RAB11FIP5: variants seen among roughly 807,000 people sequenced by gnomAD.
RAB11FIP5 encodes rab11 family-interacting protein 5.
A neutral mutation model predicts 85.1 loss-of-function variants in RAB11FIP5; 48 were observed. That is an observed-to-expected ratio of 0.56 (90% CI 0.45 to 0.72). RAB11FIP5 has a LOEUF of 0.72. RAB11FIP5 is among the 30% of genes least tolerant of loss of function. The probability of loss-of-function intolerance (pLI) is 0.00; values close to 1 mark genes in which losing one functional copy is unlikely to be tolerated. For synonymous variants in RAB11FIP5, 729 were observed against 727.3 expected (o/e 1.00, Z -0.04); for missense variants, 1,491 against 1,687.0 (o/e 0.88, Z 2.04).
intron 1 of RAB11FIP5, among the ~76,000 whole-genome samples, chr2:73,105,050 T>C (rs1684496178): frequency 6.6e-6 from 1 of 152,216 alleles, no homozygotes. Flanking sequence ...ACTGTATTGC[T>C]GCAGGAGGAA....
Position 73,080,921 on chromosome 2 carries a change from G to GC in RAB11FIP5, c.2310dup (p.Pro771AlafsTer20). The GC allele has an allele frequency of 2.4e-6, 3 of 1,232,672 alleles. No homozygotes were observed. The highest frequency in any genetic ancestry group is 3.0e-6 in the Non-Finnish European group (3 of 988,376). 76.4% of individuals were successfully genotyped at this position (1,232,672 alleles called of 1,614,324 possible). ...TGCCCTGCTTCCACTTCCGGGGCTG[G>GC]CAGTTCCCTGTCTGGTTCTGAGCCT... is the stretch of plus-strand genomic sequence containing the variant. On this transcript the variant is annotated frameshift_variant, in exon 4 of 6. Coordinates refer to ENST00000486777, the MANE Select transcript of RAB11FIP5 (RefSeq NM_001371272.1). LOFTEE classifies it high-confidence loss of function.
chr2:73,080,890 G>A lies in RAB11FIP5; in HGVS notation c.2342C>T (p.Pro781Leu), dbSNP rs879245665. ...AAATAGAGATGTCCCACTGTCTGCC[G>A]GACTCTGCCCTGCTTCCACTTCCGG... ...PAPEVEAGQS[P>L]ADSGTSLFSS... The change falls in exon 4 of 6, where the codon CCG (proline) becomes CTG (leucine). Residue 781 changes from proline (P) to leucine (L), a missense_variant. Pro to Leu is a moderately conservative substitution (Grantham distance 98). This residue lies in a region of RAB11FIP5 where 1,211 missense variants were observed against 1,338.0 expected (regional missense o/e 0.91). Coordinates refer to ENST00000486777, the MANE Select transcript of RAB11FIP5 (RefSeq NM_001371272.1). The A allele has an allele frequency of 3.8e-5, 47 of 1,232,392 alleles. No individual in the cohort carries two copies. Among genetic ancestry groups the A allele is most frequent in the Non-Finnish European group, 4.5e-5 (44 of 988,286 alleles). 76.3% of individuals were successfully genotyped at this position (1,232,392 alleles called of 1,614,324 possible).
intron 3 of RAB11FIP5, among the ~76,000 whole-genome samples, chr2:73,085,974 C>T (rs1216975231): frequency 1.3e-5 from 2 of 152,350 alleles, no homozygotes; most frequent in Non-Finnish European, 2.9e-5. Context: ...TAACCCACAG[C>T]TTCCTGCCAT....
At chr2:73,079,437 T>G (rs1441046348) in intron 4 of RAB11FIP5, among the ~76,000 whole-genome samples, 26 of 152,134 alleles carry the variant, frequency 1.7e-4, no homozygotes, top group Admixed American at 1.6e-3. Flanking sequence ...GGGGCTGCCT[T>G]GATTATCCCA....
rs879477218 is a variant in RAB11FIP5 at position 73,081,748 on chromosome 2, C to T, written c.1569-85G>A. ...GAGTCCCACGCCCCACCCCCTGCTTCGGGACCAGGGGCCATAACACACACA... is the reference window on the plus strand; with the variant it reads ...GAGTCCCACGCCCCACCCCCTGCTTTGGGACCAGGGGCCATAACACACACA... On this transcript the variant is annotated intron_variant, in intron 3 of 5. Transcript: ENST00000486777. This position sits in a 1 kb window ranked among gnomAD's most constrained non-coding sequence, Gnocchi z 4.2. 1.5e-4 allele frequency: 176 copies of T among 1,164,176 alleles called. No individual in the cohort carries two copies. In the East Asian group the frequency reaches 1.6e-3, roughly 11 times the overall value. The allele number at this position is 1,164,176 out of a possible 1,614,324, so 72.1% of individuals were successfully genotyped here.
chr2:73,091,476 C>G (rs1014868310), intron 1 of RAB11FIP5, among the ~76,000 whole-genome samples: 4 of 152,100 alleles, frequency 2.6e-5, no homozygotes, highest in Non-Finnish European at 5.9e-5. Flanking sequence ...CACACACGCA[C>G]ACAGAGCTAC....
Position 73,081,339 on chromosome 2 carries a change from C to G in RAB11FIP5, c.1893G>C (p.Ser631=). ...PSPAPSLPSA[S]RASPTPLASP... Reference sequence around the variant, plus strand: ...AGGCCAGGGGGGTGGGGCTGGCCCTCGAGGCACTGGGGAGAGAGGGAGCAG... The same window carrying G: ...AGGCCAGGGGGGTGGGGCTGGCCCTGGAGGCACTGGGGAGAGAGGGAGCAG... Residue 631 remains serine (S), a synonymous_variant, in exon 4 of 6, where the codon TCG becomes TCC. Coordinates refer to ENST00000486777, the MANE Select transcript of RAB11FIP5 (RefSeq NM_001371272.1). This position sits in a 1 kb window ranked among gnomAD's most constrained non-coding sequence, Gnocchi z 4.2. 2.4e-6 allele frequency: 3 copies of G among 1,232,756 alleles called. No homozygotes were observed. Among genetic ancestry groups the G allele is most frequent in the Non-Finnish European group, 3.0e-6 (3 of 988,492 alleles). The allele number at this position is 1,232,756 out of a possible 1,614,324, so 76.4% of individuals were successfully genotyped here.
chr2:73,106,484 TC>T lies in RAB11FIP5; in HGVS notation c.431+5862del, dbSNP rs368169481. Among the ~76,000 whole-genome samples, 956 of 152,008 alleles carry T rather than the reference TC, an allele frequency of 6.3e-3. 13 individuals carry two copies. The highest frequency in any genetic ancestry group is 0.02 in the African/African-American group (825 of 41,480). On this transcript the variant is annotated intron_variant, in intron 1 of 5. Coordinates refer to ENST00000486777, the MANE Select transcript of RAB11FIP5 (RefSeq NM_001371272.1). ...CCAAATGTAGGGAGATATCCAGGCT[TC>T]CCCCCCTTTGGAATCTCTCCCCCAC...
intron 1 of RAB11FIP5, among the ~76,000 whole-genome samples, chr2:73,106,573 G>C (rs1274206629): frequency 6.6e-6 from 1 of 152,168 alleles, no homozygotes; most frequent in Non-Finnish European, 1.5e-5. Flanking sequence ...TACCCTTCCA[G>C]GTCAGCAGAG....
chr2:73,112,670 C>T lies in RAB11FIP5; in HGVS notation c.108G>A (p.Ser36=). The T allele has an allele frequency of 6.3e-7, 1 of 1,593,266 alleles. No individual in the cohort carries two copies. Among genetic ancestry groups the T allele is most frequent in the Non-Finnish European group, 8.5e-7 (1 of 1,171,884 alleles). The change falls in exon 1 of 6, where the codon TCG becomes TCA. Residue 36 remains serine, a synonymous_variant. Transcript: ENST00000486777. The stretch of plus-strand genomic sequence containing the variant: ...ACGCGTCGCTGGTGCTGCCCGCTCC[C>T]GAGCTCTTGCCCCGCAGCCCGCGGG... The part of the protein sequence containing the change: ...LRARGLRGKS[S]GAGSTSDAYT...
intron 1 of RAB11FIP5, among the ~76,000 whole-genome samples, chr2:73,103,106 G>C (rs531864504): frequency 6.6e-6 from 1 of 152,044 alleles, no homozygotes; most frequent in Non-Finnish European, 1.5e-5. Flanking sequence ...CTGTCTCCCC[G>C]CATCCACCGC....
rs1254326441 is a variant in RAB11FIP5 at position 73,089,104 on chromosome 2, T to C, written c.643A>G (p.Ser215Gly). Residue 215 changes from serine to glycine, a missense_variant, in exon 2 of 6, where the codon AGC becomes GGC. Transcript: ENST00000486777. The surrounding 1 kb of genome is among the most constrained non-coding windows in gnomAD (Gnocchi z 4.6). The stretch of plus-strand genomic sequence containing the variant: ...CCCAGGTCAGGATCCTCTATGGCGC[T>C]GCTTGGGAGGATGGCAGAGGCAGAT... ...LESASAILPS[S>G]AIEDPDLGSL... 1.2e-6 allele frequency: 2 copies of C among 1,614,218 alleles called. No individual in the cohort carries two copies. Among genetic ancestry groups the C allele is most frequent in the East Asian group, 2.2e-5 (1 of 44,880 alleles).
rs1230619447 is a variant in RAB11FIP5, at chr2:73,112,699, G to A, written c.79C>T (p.Arg27Trp). ...CTCTTGCCCCGCAGCCCGCGGGCCCGCAGCACCGTCACCTGGACGTGCGTG... is the reference window on the plus strand; with the variant it reads ...CTCTTGCCCCGCAGCCCGCGGGCCCACAGCACCGTCACCTGGACGTGCGTG... ...LPTHVQVTVL[R>W]ARGLRGKSSG... The change falls in exon 1 of 6, where the codon CGG becomes TGG. Residue 27 changes from arginine (R) to tryptophan (W), a missense_variant. Physicochemically the swap from Arg to Trp is moderately radical, Grantham distance 101 (BLOSUM62 -3). Around this residue, in one of 3 missense-constraint regions of RAB11FIP5, gnomAD observed 1,211 missense variants for 1,338.0 expected, o/e 0.91. Coordinates refer to ENST00000486777, the MANE Select transcript of RAB11FIP5 (RefSeq NM_001371272.1). The A allele has an allele frequency of 1.3e-6, 2 of 1,573,388 alleles. No individual in the cohort carries two copies. The highest frequency in any genetic ancestry group is 1.2e-5 in the South Asian group (1 of 85,936).
intron 4 of RAB11FIP5, among the ~76,000 whole-genome samples, chr2:73,076,437 C>T (rs900905869): frequency 6.6e-6 from 1 of 152,184 alleles, no homozygotes; most frequent in East Asian, 1.9e-4. Flanking sequence ...GTGAACTGAC[C>T]CTTTCACAGG....
Position 73,079,989 on chromosome 2 carries a change from G to T in RAB11FIP5, c.3243C>A (p.Ser1081=), listed in dbSNP as rs865894790. The T allele has an allele frequency of 8.1e-7, 1 of 1,232,102 alleles. No individual in the cohort carries two copies. Among genetic ancestry groups the T allele is most frequent in the Admixed American group, 4.2e-5 (1 of 23,704 alleles). 76.3% of individuals were successfully genotyped at this position (1,232,102 alleles called of 1,614,324 possible). ...SRDPPSLSSA[S]PPGSRESSIH... ...TAGAAGATTCCCTCGACCCTGGCGG[G>T]GATGCAGATGAGAGGCTGGGAGGAT... Residue 1081 remains serine (S), a synonymous_variant, in exon 4 of 6, where the codon TCC becomes TCA. Transcript: ENST00000486777.
intron 1 of RAB11FIP5, among the ~76,000 whole-genome samples, chr2:73,090,717 T>A (rs1439636178): frequency 2.6e-5 from 4 of 152,210 alleles, no homozygotes; most frequent in Non-Finnish European, 5.9e-5. Flanking sequence ...AGTGAAAAGA[T>A]CAGTGGTTGC....
chr2:73,088,349 C>G lies in RAB11FIP5; in HGVS notation c.1269G>C (p.Glu423Asp), dbSNP rs1684133533. Residue 423 changes from glutamate (E) to aspartate (D), a missense_variant, in exon 3 of 6, where the codon GAG becomes GAC. Transcript: ENST00000486777. The stretch of plus-strand genomic sequence containing the variant: ...TGCCCTCTGGTAGCCGGGCCCCCTC[C>G]TCCTCTCCAGGGTGGCTGGCCCCAG... The part of the protein sequence containing the change: ...LAPGASHPGE[E>D]EGARLPEGKP... 7 of 1,613,586 alleles carry G rather than the reference C, an allele frequency of 4.3e-6. No homozygotes were observed. Among genetic ancestry groups the G allele is most frequent in the Non-Finnish European group, 5.1e-6 (6 of 1,180,010 alleles).
At position 73,088,370 on chromosome 2, in the gene RAB11FIP5, C is replaced by G. The variant is rs771598578; in HGVS notation, c.1248G>C (p.Gly416=). The G allele has an allele frequency of 8.7e-6, 14 of 1,613,694 alleles. No individual in the cohort carries two copies. In the South Asian group the frequency reaches 1.4e-4, roughly 16 times the overall value. The change falls in exon 3 of 6, where the codon GGG becomes GGC. Residue 416 remains glycine, a synonymous_variant. Transcript: ENST00000486777. The part of the protein sequence containing the change: ...LSAQAKVLAP[G]ASHPGEEEGA... ...CCTCCTCCTCTCCAGGGTGGCTGGCCCCAGGGGCCAGGACTTTAGCCTGAG... is the reference window on the plus strand; with the variant it reads ...CCTCCTCCTCTCCAGGGTGGCTGGCGCCAGGGGCCAGGACTTTAGCCTGAG...
At chr2:73,107,148 G>A (rs1007561921) in intron 1 of RAB11FIP5, among the ~76,000 whole-genome samples, 1 of 152,346 alleles carries the variant, frequency 6.6e-6, no homozygotes, top group Middle Eastern at 3.4e-3. Context: ...AGACTCACAT[G>A]TGGACTCATT....
Sources: allele counts gnomAD v4.1 joint callset (sites outside exome capture counted in the v4.1 genomes callset), GRCh38; gene constraint gnomAD v4.1.1; regional missense constraint gnomAD v4.1.1; non-coding constraint Gnocchi (gnomAD v3.1); transcripts MANE v1.5; gene names NCBI Gene and HGNC (gene_info 2026-07-23, HGNC 2026-07-21).